AGPAT4: variants seen among roughly 807,000 people sequenced by gnomAD.
AGPAT4 encodes 1-acylglycerol-3-phosphate O-acyltransferase 4.
A neutral mutation model predicts 48.0 loss-of-function variants in AGPAT4; 15 were observed. The observed-to-expected ratio is 0.31, with a 90% CI of 0.21 to 0.48. The LOEUF is 0.48. Among genes scored for constraint, AGPAT4 ranks in the 20% least tolerant of loss-of-function variants. AGPAT4 has a pLI of 0.99. For missense variants in AGPAT4, 314 were observed against 482.5 expected (o/e 0.65, Z 3.27); for synonymous variants, 178 against 198.7 (o/e 0.90, Z 0.88).
chr6:161,219,946 G>GCAGGCAGGCAGA lies in AGPAT4; in HGVS notation c.178+12089_178+12090insTCTGCCTGCCTG, dbSNP rs1247603859. Among the ~76,000 whole-genome samples, 347 of 143,800 alleles carry GCAGGCAGGCAGA rather than the reference G, an allele frequency of 2.4e-3. 1 individual carries two copies. Among genetic ancestry groups the GCAGGCAGGCAGA allele is most frequent in the Middle Eastern group, 7.1e-3 (2 of 280 alleles). 94.3% of individuals were successfully genotyped at this position (143,800 alleles called of 152,430 possible). ...GGCAGGCAGGCAGGCAGGCAGGCAG[G>GCAGGCAGGCAGA]CAGACAGACAGACAGACAGACAGGC... is the stretch of plus-strand genomic sequence containing the variant. On this transcript the variant is annotated intron_variant, in intron 2 of 8. Transcript: ENST00000320285. The surrounding 1 kb of genome is among the most constrained non-coding windows in gnomAD (Gnocchi z 4.9).
In AGPAT4 at chr6:161,196,602, G is replaced by C. The variant is rs536584937; in HGVS notation, c.179-30185C>G. Among the ~76,000 whole-genome samples the C allele has an allele frequency of 2.6e-5, 4 of 152,160 alleles. No homozygotes were observed. Among genetic ancestry groups the C allele is most frequent in the African/African-American group, 9.6e-5 (4 of 41,520 alleles). On this transcript the variant is annotated intron_variant, in intron 2 of 8. Coordinates refer to ENST00000320285, the MANE Select transcript of AGPAT4 (RefSeq NM_020133.3). The surrounding 1 kb of genome is among the most constrained non-coding windows in gnomAD (Gnocchi z 4.3). ...TCAGGCGGATCACTTGAGGTCAAGA[G>C]TTCGAGACCAGCCTGGCCAACATGG... is the stretch of plus-strand genomic sequence containing the variant.
chr6:161,199,954 C>T (rs1358636438), intron 2 of AGPAT4, among the ~76,000 whole-genome samples: 2 of 152,094 alleles, frequency 1.3e-5, no homozygotes, highest in African/African-American at 4.8e-5. Flanking sequence ...GACTCTGCCT[C>T]CTGCCCCCTG....
rs940909448 is a variant in AGPAT4, at chr6:161,234,310, C to T, written c.-89-2008G>A. ...TAGGAGGGAAATGGGAAGAAGCTTTCGGCCTGATTTCTCTGAAATCATCTT... is the reference window on the plus strand; with the variant it reads ...TAGGAGGGAAATGGGAAGAAGCTTTTGGCCTGATTTCTCTGAAATCATCTT... On this transcript the variant is annotated intron_variant, in intron 1 of 8. Transcript: ENST00000320285. The surrounding 1 kb of genome is among the most constrained non-coding windows in gnomAD (Gnocchi z 4.4). Among the ~76,000 whole-genome samples the T allele has an allele frequency of 1.1e-4, 16 of 152,166 alleles. No homozygotes were observed. The highest frequency in any genetic ancestry group is 2.6e-4 in the Admixed American group (4 of 15,274).
Position 161,204,010 on chromosome 6 carries a change from G to A in AGPAT4, c.178+28026C>T, listed in dbSNP as rs1275061219. On this transcript the variant is annotated intron_variant, in intron 2 of 8. Transcript: ENST00000320285. The surrounding 1 kb of genome is among the most constrained non-coding windows in gnomAD (Gnocchi z 4.4). ...AGTAGTAATAATCATAAAAATAGTTGTGACCTTGAAGCCAAAGCCACTCAT... is the reference window on the plus strand; with the variant it reads ...AGTAGTAATAATCATAAAAATAGTTATGACCTTGAAGCCAAAGCCACTCAT... 6.6e-6 allele frequency among the ~76,000 whole-genome samples: 1 copy of A among 152,122 alleles called. No homozygotes were observed. Among genetic ancestry groups the A allele is most frequent in the East Asian group, 1.9e-4 (1 of 5,198 alleles).
rs1379557988 is a variant in AGPAT4 at position 161,208,158 on chromosome 6, A to G, written c.178+23878T>C. ...CTAATAAGAAAAAAACTGAACTGTC[A>G]GAAAAACAGATTTTCTGAAAATCAA... On this transcript the variant is annotated intron_variant, in intron 2 of 8. Coordinates refer to ENST00000320285, the MANE Select transcript of AGPAT4 (RefSeq NM_020133.3). This position sits in a 1 kb window ranked among gnomAD's most constrained non-coding sequence, Gnocchi z 4.6. Among the ~76,000 whole-genome samples the G allele has an allele frequency of 6.6e-6, 1 of 152,202 alleles. No individual in the cohort carries two copies. The highest frequency in any genetic ancestry group is 2.4e-5 in the African/African-American group (1 of 41,448).
rs1406504386 is a variant in AGPAT4 at position 161,139,927 on chromosome 6, C to T, written c.844-307G>A. ...TGGGCTAGGATCCACCCTCTGTGGGCAGGCACCTGCATCCCTGAGCCCAGG... is the reference window on the plus strand; with the variant it reads ...TGGGCTAGGATCCACCCTCTGTGGGTAGGCACCTGCATCCCTGAGCCCAGG... On this transcript the variant is annotated intron_variant, in intron 7 of 8. Transcript: ENST00000320285. The surrounding 1 kb of genome is among the most constrained non-coding windows in gnomAD (Gnocchi z 9.1). Among the ~76,000 whole-genome samples, 3 of 152,254 alleles carry T rather than the reference C, an allele frequency of 2.0e-5. No individual in the cohort carries two copies. The highest frequency in any genetic ancestry group is 7.2e-5 in the African/African-American group (3 of 41,480).
At chr6:161,191,195 G>A (rs760153917) in intron 2 of AGPAT4, among the ~76,000 whole-genome samples, 16 of 152,122 alleles carry the variant, frequency 1.1e-4, no homozygotes, top group Non-Finnish European at 1.5e-4. Flanking sequence ...CTTGACAGAC[G>A]AGAACACCAA....
Position 161,142,266 on chromosome 6 carries a change from A to T in AGPAT4, c.844-2646T>A, listed in dbSNP as rs1276839289. The stretch of plus-strand genomic sequence containing the variant: ...GGACCTCCCACTGACTATCGGGGAG[A>T]GAACAGCACCGCCAGCTCTGGCCAG... On this transcript the variant is annotated intron_variant, in intron 7 of 8. Coordinates refer to ENST00000320285, the MANE Select transcript of AGPAT4 (RefSeq NM_020133.3). This position sits in a 1 kb window ranked among gnomAD's most constrained non-coding sequence, Gnocchi z 6.4. Among the ~76,000 whole-genome samples the T allele has an allele frequency of 5.3e-5, 8 of 152,154 alleles. No individual in the cohort carries two copies. Among genetic ancestry groups the T allele is most frequent in the African/African-American group, 1.9e-4 (8 of 41,428 alleles).
chr6:161,229,811 C>T lies in AGPAT4; in HGVS notation c.178+2225G>A, dbSNP rs761843488. Among the ~76,000 whole-genome samples, 3 of 152,074 alleles carry T rather than the reference C, an allele frequency of 2.0e-5. No homozygotes were observed. Among genetic ancestry groups the T allele is most frequent in the Non-Finnish European group, 4.4e-5 (3 of 68,002 alleles). On this transcript the variant is annotated intron_variant, in intron 2 of 8. Coordinates refer to ENST00000320285, the MANE Select transcript of AGPAT4 (RefSeq NM_020133.3). This position sits in a 1 kb window ranked among gnomAD's most constrained non-coding sequence, Gnocchi z 6.0. ...CTTCCACTATCGCTTGGCCCAAAGC[C>T]CTAGGAAGCCTTCCTCCGGGGACAT...
chr6:161,210,433 A>G (rs147189008), intron 2 of AGPAT4, among the ~76,000 whole-genome samples: 2 of 152,202 alleles, frequency 1.3e-5, no homozygotes, highest in African/African-American at 4.8e-5. Context: ...TTATGAATCT[A>G]TAAGATGTAC....
chr6:161,193,396 C>T (rs1251822735), intron 2 of AGPAT4, among the ~76,000 whole-genome samples: 2 of 152,308 alleles, frequency 1.3e-5, no homozygotes, highest in East Asian at 3.9e-4. Context: ...TGACATGTGC[C>T]ACATGCTCAG....
rs1778983046 is a variant in AGPAT4 at position 161,133,919 on chromosome 6, G to A, written c.*2621C>T. ...TCAACTCGTAGAAAAAATAACCCTG[G>A]GAACCAAAGCAGTTGTTGTGTGCTG... On this transcript the variant is annotated 3_prime_UTR_variant, in exon 9 of 9. Coordinates refer to ENST00000320285, the MANE Select transcript of AGPAT4 (RefSeq NM_020133.3). The A allele has an allele frequency of 6.6e-6, 1 of 152,148 alleles. No homozygotes were observed. The highest frequency in any genetic ancestry group is 2.4e-5 in the African/African-American group (1 of 41,390). 9.4% of individuals were successfully genotyped at this position (152,148 alleles called of 1,614,324 possible).
At chr6:161,252,429 G>C (rs967857373) in intron 1 of AGPAT4, among the ~76,000 whole-genome samples, 1 of 152,084 alleles carries the variant, frequency 6.6e-6, no homozygotes, top group African/African-American at 2.4e-5. Flanking sequence ...TATTATAAAT[G>C]AATTAGAAAA....
chr6:161,227,801 A>G (rs1362299921), intron 2 of AGPAT4, among the ~76,000 whole-genome samples: 1 of 152,238 alleles, frequency 6.6e-6, no homozygotes, highest in African/African-American at 2.4e-5. Flanking sequence ...GTAAGAGGCA[A>G]TATAGAGCTC....
In AGPAT4 at chr6:161,233,774, AC is replaced by A. The variant is rs1161425097; in HGVS notation, c.-89-1473del. On this transcript the variant is annotated intron_variant, in intron 1 of 8. Transcript: ENST00000320285. The surrounding 1 kb of genome is among the most constrained non-coding windows in gnomAD (Gnocchi z 5.4). ...GTGAGGTGCATGCAATGCCTTTTTG[AC>A]CTACAGTATTTTCAATTCGCAATGG... 6.6e-6 allele frequency among the ~76,000 whole-genome samples: 1 copy of A among 152,150 alleles called. No individual in the cohort carries two copies. The highest frequency in any genetic ancestry group is 1.5e-5 in the Non-Finnish European group (1 of 68,020).
Position 161,225,436 on chromosome 6 carries a change from C to T in AGPAT4, c.178+6600G>A, listed in dbSNP as rs1208336856. Among the ~76,000 whole-genome samples the T allele has an allele frequency of 6.6e-6, 1 of 152,192 alleles. No homozygotes were observed. Among genetic ancestry groups the T allele is most frequent in the Non-Finnish European group, 1.5e-5 (1 of 68,040 alleles). ...AGGGTGCACCCTTCTATAGAAGTAA[C>T]TTGCCTTGCTGAGAATTAAAAAGAA... is the stretch of plus-strand genomic sequence containing the variant. On this transcript the variant is annotated intron_variant, in intron 2 of 8. Coordinates refer to ENST00000320285, the MANE Select transcript of AGPAT4 (RefSeq NM_020133.3). This position sits in a 1 kb window ranked among gnomAD's most constrained non-coding sequence, Gnocchi z 5.0.
rs1206351948 is a variant in AGPAT4 at position 161,243,582 on chromosome 6, G to C, written c.-89-11280C>G. 6.6e-6 allele frequency among the ~76,000 whole-genome samples: 1 copy of C among 152,138 alleles called. No homozygotes were observed. The highest frequency in any genetic ancestry group is 1.5e-5 in the Non-Finnish European group (1 of 68,036). On this transcript the variant is annotated intron_variant, in intron 1 of 8. Transcript: ENST00000320285. The surrounding 1 kb of genome is among the most constrained non-coding windows in gnomAD (Gnocchi z 4.8). ...GCCTCCGGGTCTGTATCTGCTAATG[G>C]AGGTGAAATTCCCTGCCTCCCACCG...
In AGPAT4 at chr6:161,229,584, A is replaced by C. The variant is rs1244457607; in HGVS notation, c.178+2452T>G. ...AAAGCGAACAGCCCTGCTAACACCT[A>C]TGGGGATACCAGAAACGGAGAATCC... On this transcript the variant is annotated intron_variant, in intron 2 of 8. Transcript: ENST00000320285. The surrounding 1 kb of genome is among the most constrained non-coding windows in gnomAD (Gnocchi z 6.0). Among the ~76,000 whole-genome samples, 1 of 152,174 alleles carries C rather than the reference A, an allele frequency of 6.6e-6. No individual in the cohort carries two copies. Among genetic ancestry groups the C allele is most frequent in the African/African-American group, 2.4e-5 (1 of 41,444 alleles).
chr6:161,261,002 G>A lies in AGPAT4; in HGVS notation c.-90+12936C>T, dbSNP rs112982873. Among the ~76,000 whole-genome samples the A allele has an allele frequency of 6.6e-5, 10 of 152,218 alleles. No homozygotes were observed. Among genetic ancestry groups the A allele is most frequent in the Non-Finnish European group, 1.0e-4 (7 of 68,034 alleles). On this transcript the variant is annotated intron_variant, in intron 1 of 8. Transcript: ENST00000320285. The surrounding 1 kb of genome is among the most constrained non-coding windows in gnomAD (Gnocchi z 5.3). ...GGAGTGCACACTGAACCACGTCTTC[G>A]CCTTCTAGAATTTCCTGAGCAGGGC...
Sources: gnomAD v4.1 joint callset for allele counts (sites outside exome capture counted in the v4.1 genomes callset) on GRCh38, gnomAD v4.1.1 for gene constraint, Gnocchi (gnomAD v3.1) non-coding constraint, MANE v1.5 for transcripts, NCBI Gene and HGNC (gene_info 2026-07-23, HGNC 2026-07-21) for gene names.